Variants in RICTOR observed in about 807,000 individuals in gnomAD.
The protein encoded by RICTOR is RPTOR independent companion of MTOR complex 2, also known as rapamycin-insensitive companion of mTOR.
In RICTOR, 49 loss-of-function variants were observed where a neutral mutation model predicts 214.9. The ratio of observed to expected loss-of-function variants is 0.23; its 90% CI spans 0.18 to 0.29. The LOEUF (loss-of-function observed/expected upper bound fraction) is 0.29. Ranked by LOEUF, RICTOR falls within the 10% of genes least tolerant of loss-of-function variation. RICTOR has a pLI of 1.00. For synonymous variants in RICTOR, 717 were observed against 711.3 expected (o/e 1.01, Z -0.13); for missense variants, 1,625 against 2,047.0 (o/e 0.79, Z 3.98).
chr5:38,981,787 T>C, intron 8 of RICTOR, 80 bp downstream of exon 8: 1 of 937,532 alleles, frequency 1.1e-6, no homozygotes, highest in South Asian at 1.6e-5. Flanking sequence ...GTGCTGCATC[T>C]ATAAAATTTA....
Position 38,939,158 on chromosome 5 carries a change from C to A in RICTOR, c.*3146G>T. 1 of 232,946 alleles carries A rather than the reference C, an allele frequency of 4.3e-6. No homozygotes were observed. Among genetic ancestry groups the A allele is most frequent in the Non-Finnish European group, 8.5e-6 (1 of 117,644 alleles). The allele number at this position is 232,946 out of a possible 1,614,324, so 14.4% of individuals were successfully genotyped here. On this transcript the variant is annotated 3_prime_UTR_variant, in exon 38 of 38. Transcript: ENST00000357387. Reference sequence around the variant, plus strand: ...GCTTTAATGTGGGGATAAAAGGCATCCTCTGAATGGAATAACATTTTATAT... The same window carrying A: ...GCTTTAATGTGGGGATAAAAGGCATACTCTGAATGGAATAACATTTTATAT...
Position 38,972,783 on chromosome 5 carries a change from T to C in RICTOR, c.890-824A>G, listed in dbSNP as rs80051977. Reference sequence around the variant, plus strand: ...TACGCAAGAGAAATGAAAACTCATGTCCACAAAAAAAGTTTGTATGGAATT... The same window carrying C: ...TACGCAAGAGAAATGAAAACTCATGCCCACAAAAAAAGTTTGTATGGAATT... On this transcript the variant is annotated intron_variant, in intron 10 of 37. Coordinates refer to ENST00000357387, the MANE Select transcript of RICTOR (RefSeq NM_152756.5). Among the ~76,000 whole-genome samples, 495 of 151,330 alleles carry C rather than the reference T, an allele frequency of 3.3e-3. 14 individuals carry two copies. The East Asian group carries it at 0.078, about 24-fold the overall frequency.
chr5:38,945,239 T>G lies in RICTOR; in HGVS notation c.4634-171A>C, dbSNP rs1448071138. ...ATAGAAAATGAAAATAACTACAGCA[T>G]GCAAAGGGCCTGGACAGGGCTGTTC... On this transcript the variant is annotated intron_variant, in intron 34 of 37. Coordinates refer to ENST00000357387, the MANE Select transcript of RICTOR (RefSeq NM_152756.5). 6.4e-6 allele frequency: 4 copies of G among 625,010 alleles called. No individual in the cohort carries two copies. The East Asian group carries it at 8.3e-5, about 13-fold the overall frequency. The allele number at this position is 625,010 out of a possible 1,614,324, so 38.7% of individuals were successfully genotyped here.
chr5:38,942,155 C>G lies in RICTOR; in HGVS notation c.*149G>C. 2.2e-6 allele frequency: 1 copy of G among 444,748 alleles called. No individual in the cohort carries two copies. 27.6% of individuals were successfully genotyped at this position (444,748 alleles called of 1,614,324 possible). On this transcript the variant is annotated 3_prime_UTR_variant, in exon 38 of 38. Transcript: ENST00000357387. ...GTTTTGGTTAGGAAAGTCAGCAGTTCCAACTGTTCATGTACCAGTAACTGC... is the reference window on the plus strand; with the variant it reads ...GTTTTGGTTAGGAAAGTCAGCAGTTGCAACTGTTCATGTACCAGTAACTGC...
chr5:39,039,147 G>T lies in RICTOR; in HGVS notation c.98-18011C>A, dbSNP rs891068938. Among the ~76,000 whole-genome samples, 240 of 152,124 alleles carry T rather than the reference G, an allele frequency of 1.6e-3. 1 individual carries two copies. Among genetic ancestry groups the T allele is most frequent in the African/African-American group, 4.8e-3 (198 of 41,496 alleles). On this transcript the variant is annotated intron_variant, in intron 2 of 37. Coordinates refer to ENST00000357387, the MANE Select transcript of RICTOR (RefSeq NM_152756.5). ...AGACCAATGGAACAGAACAGAGCCC[G>T]CAGAAATAATGCCACATATCTACAA...
intron 2 of RICTOR, among the ~76,000 whole-genome samples, chr5:39,051,063 A>ACACACACG (rs1194747838): frequency 6.6e-6 from 1 of 151,214 alleles, no homozygotes; most frequent in East Asian, 1.9e-4. Context: ...ACACACACAC[A>ACACACACG]CGCACCTACA....
chr5:39,003,024 C>T (rs1178844400), intron 4 of RICTOR, among the ~76,000 whole-genome samples: 1 of 152,054 alleles, frequency 6.6e-6, no homozygotes, highest in Non-Finnish European at 1.5e-5. Flanking sequence ...ATCGAATATC[C>T]TCTCTCTGCC....
At chr5:38,987,354 G>A (rs928392867) in intron 7 of RICTOR, among the ~76,000 whole-genome samples, 1 of 152,042 alleles carries the variant, frequency 6.6e-6, no homozygotes, top group Non-Finnish European at 1.5e-5. Context: ...ATCTGGTCCT[G>A]GGCTTTTTTT....
intron 2 of RICTOR, among the ~76,000 whole-genome samples, chr5:39,068,639 A>G (rs1312582589): frequency 6.6e-6 from 1 of 152,228 alleles, no homozygotes; most frequent in African/African-American, 2.4e-5. Flanking sequence ...GCAGGCATAC[A>G]GTAGACCGAG....
At position 38,996,891 on chromosome 5, in the gene RICTOR, T is replaced by C. The variant is rs763847106; in HGVS notation, c.393-9A>G. On this transcript the variant is annotated splice_polypyrimidine_tract_variant and intron_variant, in intron 5 of 37. Coordinates refer to ENST00000357387, the MANE Select transcript of RICTOR (RefSeq NM_152756.5). Reference sequence around the variant, plus strand: ...GTTGTATGTCAATGCACCTAAACAATACACAAAATATTAATCATTGATAAA... The same window carrying C: ...GTTGTATGTCAATGCACCTAAACAACACACAAAATATTAATCATTGATAAA... The C allele has an allele frequency of 4.4e-6, 7 of 1,588,064 alleles. 1 individual carries two copies. Among genetic ancestry groups the C allele is most frequent in the Non-Finnish European group, 6.0e-6 (7 of 1,157,312 alleles).
At chr5:38,958,977 G>C (rs1294093609) in intron 22 of RICTOR, 146 bp from the exon 23 acceptor site, 2 of 694,142 alleles carry the variant, frequency 2.9e-6, no homozygotes, top group African/African-American at 3.8e-5. Flanking sequence ...TACTTTTTTG[G>C]TTCTTGTGAA....
At chr5:39,002,482 TA>T (rs2150105387) in intron 5 of RICTOR, 52 bp downstream of exon 5, 2 of 1,330,938 alleles carry the variant, frequency 1.5e-6, no homozygotes, top group Non-Finnish European at 2.1e-6. Context: ...GCAGGCATGC[TA>T]AAAACTCAAC....
At chr5:38,992,632 C>A (rs963951365) in intron 6 of RICTOR, among the ~76,000 whole-genome samples, 1 of 152,076 alleles carries the variant, frequency 6.6e-6, no homozygotes, top group African/African-American at 2.4e-5. Flanking sequence ...TAAACATATA[C>A]TTAATTCACC....
intron 5 of RICTOR, among the ~76,000 whole-genome samples, chr5:38,999,363 T>C (rs978228466): frequency 1.1e-4 from 17 of 151,788 alleles, no homozygotes; most frequent in African/African-American, 3.9e-4. Flanking sequence ...AAGCTACTTA[T>C]TGCTCAACTG....
At chr5:38,965,289 A>T (rs953874139) in intron 15 of RICTOR, among the ~76,000 whole-genome samples, 2 of 151,990 alleles carry the variant, frequency 1.3e-5, no homozygotes, top group African/African-American at 4.8e-5. Context: ...TTATGAGTTG[A>T]CTTCTTAAGT....
intron 27 of RICTOR, among the ~76,000 whole-genome samples, chr5:38,954,127 T>G (rs1260209840): frequency 6.6e-6 from 1 of 151,944 alleles, no homozygotes; most frequent in African/African-American, 2.4e-5. Context: ...AGATGAATAC[T>G]GATACAATCG....
intron 8 of RICTOR, chr5:38,980,991 C>T (rs1751674755): frequency 6.6e-6 from 1 of 151,994 alleles, no homozygotes; most frequent in African/African-American, 2.4e-5. Context: ...CAGTTTATTC[C>T]CACAGGATTC....
intron 2 of RICTOR, among the ~76,000 whole-genome samples, chr5:39,064,696 G>A (rs1758778586): frequency 6.6e-6 from 1 of 152,150 alleles, no homozygotes; most frequent in Non-Finnish European, 1.5e-5. Flanking sequence ...AAAGGAAATT[G>A]AGAGTTGACT....
At chr5:39,011,577 G>A (rs1037513934) in intron 3 of RICTOR, among the ~76,000 whole-genome samples, 2 of 152,202 alleles carry the variant, frequency 1.3e-5, no homozygotes, top group Admixed American at 1.3e-4. Flanking sequence ...AAGCAGTCAG[G>A]AGGGGGTGCT....
Sources: gnomAD v4.1 joint callset for allele counts (sites outside exome capture counted in the v4.1 genomes callset) on GRCh38, gnomAD v4.1.1 for gene constraint, MANE v1.5 for transcripts, NCBI Gene and HGNC (gene_info 2026-07-23, HGNC 2026-07-21) for gene names.